OTP: variants seen among roughly 807,000 people sequenced by gnomAD.
The protein encoded by OTP is orthopedia homeobox.
Under a neutral mutation model 22.3 loss-of-function variants are expected in OTP, and 5 were observed. The ratio of observed to expected loss-of-function variants is 0.22; its 90% confidence interval spans 0.12 to 0.47. The LOEUF is 0.47. Among genes scored for constraint, OTP ranks in the 20% least tolerant of loss-of-function variants. The pLI is 0.99. For missense variants in OTP, 428 were observed against 456.2 expected (o/e 0.94, Z 0.56); for synonymous variants, 229 against 210.6 (o/e 1.09, Z -0.76).
chr5:77,635,919 A>AC (rs1435046207), intron 2 of OTP: 6 of 138,058 alleles, frequency 4.3e-5, no homozygotes, highest in African/African-American at 2.1e-4. Flanking sequence ...AAAAAAAAAA[A>AC]ACAAACAAAA....
rs760134878 is a variant in OTP at position 77,636,878 on chromosome 5, G to A, written c.390C>T (p.Asp130=). 9 of 1,614,204 alleles carry A rather than the reference G, an allele frequency of 5.6e-6. No homozygotes were observed. The highest frequency in any genetic ancestry group is 7.6e-6 in the Non-Finnish European group (9 of 1,180,034). ...GTGCCAGCTCCTCACGCATAAAGAT[G>A]TCGGGGTAGTGAGTCTTGGCGAAGC... The part of the protein sequence containing the change: ...ERSFAKTHYP[D]IFMREELALR... Residue 130 remains aspartate (D), a synonymous_variant, in exon 2 of 3, where the codon GAC becomes GAT. Transcript: ENST00000306422.
chr5:77,636,346 A>G (rs1276193636), intron 2 of OTP: 3 of 154,646 alleles, frequency 1.9e-5, no homozygotes, highest in Non-Finnish European at 4.3e-5. Flanking sequence ...TGGGTGTAGC[A>G]CTTTTTTAAA....
intron 2 of OTP, among the ~76,000 whole-genome samples, chr5:77,631,003 A>C (rs1277550320): frequency 6.6e-6 from 1 of 152,220 alleles, no homozygotes; most frequent in Non-Finnish European, 1.5e-5. Context: ...GCACCCACCA[A>C]GCGCGGAGTC....
Position 77,636,872 on chromosome 5 carries a change from A to G in OTP, c.396T>C (p.Phe132=). The change falls in exon 2 of 3, where the codon TTT becomes TTC. Residue 132 remains phenylalanine (F), a synonymous_variant. Coordinates refer to ENST00000306422, the MANE Select transcript of OTP (RefSeq NM_032109.3). ...SFAKTHYPDI[F]MREELALRIG... ...TACGCAGTGCCAGCTCCTCACGCAT[A>G]AAGATGTCGGGGTAGTGAGTCTTGG... 4 of 1,614,112 alleles carry G rather than the reference A, an allele frequency of 2.5e-6. No homozygotes were observed. The highest frequency in any genetic ancestry group is 1.1e-5 in the South Asian group (1 of 91,084).
In OTP at chr5:77,636,840, A is replaced by T. The variant is rs747925255; in HGVS notation, c.428T>A (p.Leu143Gln). The T allele has an allele frequency of 6.2e-7, 1 of 1,613,048 alleles. No individual in the cohort carries two copies. The highest frequency in any genetic ancestry group is 8.5e-7 in the Non-Finnish European group (1 of 1,179,378). ...MREELALRIG[L>Q]TESRVQVWFQ... is the part of the protein sequence containing the mutation. ...TCGTACCTGCACTCGGGACTCGGTCAGCCCGATACGCAGTGCCAGCTCCTC... is the reference window on the plus strand; with the variant it reads ...TCGTACCTGCACTCGGGACTCGGTCTGCCCGATACGCAGTGCCAGCTCCTC... Residue 143 changes from leucine (L) to glutamine (Q), a missense_variant, in exon 2 of 3, where the codon CTG (leucine) becomes CAG (glutamine). By Grantham distance (113) the Leu-to-Gln change is moderately radical. Transcript: ENST00000306422.
Position 77,630,649 on chromosome 5 carries a change from C to A in OTP, c.593G>T (p.Ser198Ile). 6.3e-7 allele frequency: 1 copy of A among 1,575,256 alleles called. No individual in the cohort carries two copies. ...GTCGTTGGCGTGGAAAGAGCACAGG[C>A]TGTCGCCCATGGCGGCGGCAGCGGC... ...AAAAAAAMGDSLCSFHANDTR... is the reference protein window; with the variant it reads ...AAAAAAAMGDILCSFHANDTR... The change falls in exon 3 of 3, where the codon AGC becomes ATC. Residue 198 changes from serine (S) to isoleucine (I), a missense_variant. Coordinates refer to ENST00000306422, the MANE Select transcript of OTP (RefSeq NM_032109.3).
At chr5:77,637,251 C>G (rs952641392) in intron 1 of OTP, 21 bp from the exon 2 acceptor site, 58 of 1,470,900 alleles carry the variant, frequency 3.9e-5, no homozygotes, top group Non-Finnish European at 5.0e-5. Context: ...AAGGGGATCG[C>G]GGTCACTACT....
chr5:77,630,191 G>A lies in OTP; in HGVS notation c.*73C>T. Reference sequence around the variant, plus strand: ...GACGGGGCAGGGCGCCGGGGTCCGGGTGCGCGCCGGAAGGGCCTCGGGGCG... The same window carrying A: ...GACGGGGCAGGGCGCCGGGGTCCGGATGCGCGCCGGAAGGGCCTCGGGGCG... On this transcript the variant is annotated 3_prime_UTR_variant, in exon 3 of 3. Coordinates refer to ENST00000306422, the MANE Select transcript of OTP (RefSeq NM_032109.3). The A allele has an allele frequency of 2.8e-6, 3 of 1,063,980 alleles. No individual in the cohort carries two copies. Among genetic ancestry groups the A allele is most frequent in the Non-Finnish European group, 3.6e-6 (3 of 823,142 alleles). 65.9% of individuals were successfully genotyped at this position (1,063,980 alleles called of 1,614,324 possible).
intron 2 of OTP, among the ~76,000 whole-genome samples, chr5:77,631,901 G>A (rs1744937438): frequency 6.6e-6 from 1 of 152,074 alleles, no homozygotes; most frequent in African/African-American, 2.4e-5. Flanking sequence ...AGGGTCCCAA[G>A]TAACAAGGCC....
chr5:77,638,697 G>A lies in OTP; in HGVS notation c.-148C>T. 3 of 688,796 alleles carry A rather than the reference G, an allele frequency of 4.4e-6. No individual in the cohort carries two copies. Among genetic ancestry groups the A allele is most frequent in the South Asian group, 2.7e-5 (1 of 37,318 alleles). 42.7% of individuals were successfully genotyped at this position (688,796 alleles called of 1,614,324 possible). On this transcript the variant is annotated 5_prime_UTR_variant, in exon 1 of 3. Coordinates refer to ENST00000306422, the MANE Select transcript of OTP (RefSeq NM_032109.3). Reference sequence around the variant, plus strand: ...AATTCGGTTTGTGGTTAAAAAGGGGGCTTCTTGCATTATAATGTCCTTTAG... The same window carrying A: ...AATTCGGTTTGTGGTTAAAAAGGGGACTTCTTGCATTATAATGTCCTTTAG...
Position 77,638,677 on chromosome 5 carries a change from G to A in OTP, c.-128C>T. The A allele has an allele frequency of 8.7e-6, 8 of 920,408 alleles. No homozygotes were observed. In the South Asian group the frequency reaches 1.7e-4, roughly 20 times the overall value. The allele number at this position is 920,408 out of a possible 1,614,324, so 57.0% of individuals were successfully genotyped here. A position where few individuals can be genotyped will look rare whatever the true frequency, so the allele number is the denominator to read the frequency against. On this transcript the variant is annotated 5_prime_UTR_variant, in exon 1 of 3. The change creates a premature stop within an existing upstream ORF in the 5' untranslated region. Transcript: ENST00000306422. ...AGATCACCTAAATGAAAGAAAATTC[G>A]GTTTGTGGTTAAAAAGGGGGCTTCT...
In OTP at chr5:77,630,726, G is replaced by A. The variant is rs1314855685; in HGVS notation, c.516C>T (p.Pro172=). 1.3e-6 allele frequency: 2 copies of A among 1,583,740 alleles called. No homozygotes were observed. The highest frequency in any genetic ancestry group is 3.5e-5 in the Admixed American group (2 of 56,912). The change falls in exon 3 of 3, where the codon CCC becomes CCT. Residue 172 remains proline (P), a synonymous_variant. Coordinates refer to ENST00000306422, the MANE Select transcript of OTP (RefSeq NM_032109.3). ...GGCCTGGCGTGGGCAGCAGTGTGCCGGGCGCACGGAACACGTTGGTCGTCT... is the reference window on the plus strand; with the variant it reads ...GGCCTGGCGTGGGCAGCAGTGTGCCAGGCGCACGGAACACGTTGGTCGTCT... The part of the protein sequence containing the change: ...RKKTTNVFRA[P]GTLLPTPGLP...
At chr5:77,631,713 C>T (rs1267324007) in intron 2 of OTP, among the ~76,000 whole-genome samples, 1 of 151,828 alleles carries the variant, frequency 6.6e-6, no homozygotes, top group African/African-American at 2.4e-5. Flanking sequence ...TACAGAAACG[C>T]GCCACCATGC....
At position 77,630,356 on chromosome 5, in the gene OTP, A is replaced by T; in HGVS notation, c.886T>A (p.Ser296Thr). Residue 296 changes from serine (S) to threonine (T), a missense_variant, in exon 3 of 3, where the codon TCC becomes ACC. By Grantham distance (58) the Ser-to-Thr change is moderately conservative. This residue lies in a region of OTP where 236 missense variants were observed against 238.1 expected (regional missense o/e 0.99). Coordinates refer to ENST00000306422, the MANE Select transcript of OTP (RefSeq NM_032109.3). Reference sequence around the variant, plus strand: ...CGCCACACGTCGCTGCTGTCCGGGGAGCTGCAGAGCTGGGGCGAACCGGAG... The same window carrying T: ...CGCCACACGTCGCTGCTGTCCGGGGTGCTGCAGAGCTGGGGCGAACCGGAG... Reference protein sequence around the residue: ...NVSGSPQLCSSPDSSDVWRGT... With the variant: ...NVSGSPQLCSTPDSSDVWRGT... 1 of 1,573,860 alleles carries T rather than the reference A, an allele frequency of 6.4e-7. No homozygotes were observed. Among genetic ancestry groups the T allele is most frequent in the South Asian group, 1.2e-5 (1 of 86,386 alleles).
intron 2 of OTP, chr5:77,636,090 G>A (rs1349424960): frequency 6.6e-6 from 1 of 152,150 alleles, no homozygotes; most frequent in Non-Finnish European, 1.5e-5. Flanking sequence ...TTCCCGTTCT[G>A]AATGCCCCTT....
chr5:77,629,511 T>A lies in OTP; in HGVS notation c.*753A>T, dbSNP rs1278936496. 6 of 152,184 alleles carry A rather than the reference T, an allele frequency of 3.9e-5. No homozygotes were observed. The highest frequency in any genetic ancestry group is 1.5e-4 in the African/African-American group (6 of 41,226). 9.4% of individuals were successfully genotyped at this position (152,184 alleles called of 1,614,324 possible). A position where few individuals can be genotyped will look rare whatever the true frequency, so the allele number is the denominator to read the frequency against. ...GAAAGAAAGACAGGAGCTTGGAGAG[T>A]ACAAGGATAAATCAAATCATATCAG... is the stretch of plus-strand genomic sequence containing the variant. On this transcript the variant is annotated 3_prime_UTR_variant, in exon 3 of 3. Transcript: ENST00000306422.
At position 77,630,804 on chromosome 5, in the gene OTP, G is replaced by GA; in HGVS notation, c.448-11_448-10insT. On this transcript the variant is annotated splice_polypyrimidine_tract_variant and intron_variant, in intron 2 of 2. Transcript: ENST00000306422. ...GGTTCTGGAACCAGACCTGGAGCGG[G>GA]CGGGGCGGGAGACAGACAGGGAGCT... 6 of 1,524,996 alleles carry GA rather than the reference G, an allele frequency of 3.9e-6. No individual in the cohort carries two copies. The highest frequency in any genetic ancestry group is 5.2e-6 in the Non-Finnish European group (6 of 1,144,622). 94.5% of individuals were successfully genotyped at this position (1,524,996 alleles called of 1,614,324 possible).
intron 2 of OTP, chr5:77,636,620 G>A (rs542238304): frequency 1.8e-6 from 1 of 561,132 alleles, no homozygotes; most frequent in Non-Finnish European, 3.1e-6. Flanking sequence ...ATACTGGCCG[G>A]AGACGGGCCT....
intron 2 of OTP, among the ~76,000 whole-genome samples, chr5:77,635,447 G>A (rs1744992511): frequency 6.6e-6 from 1 of 152,028 alleles, no homozygotes; most frequent in Admixed American, 6.6e-5. Context: ...CCTTTCACTA[G>A]GAAAACCACC....
Sources: gnomAD v4.1 joint callset for allele counts (sites outside exome capture counted in the v4.1 genomes callset) on GRCh38, gnomAD v4.1.1 for gene constraint, gnomAD v4.1.1 regional missense constraint, MANE v1.5 for transcripts, NCBI Gene and HGNC (gene_info 2026-07-23, HGNC 2026-07-21) for gene names.